TMSB15B: variants seen among roughly 807,000 people sequenced by gnomAD.
The protein encoded by TMSB15B is thymosin beta 15B.
chrX:103,940,969 T>C (rs1211391517), intron 1 of TMSB15B, among the ~76,000 whole-genome samples: 1 of 110,612 alleles, frequency 9.0e-6, no homozygotes, highest in Non-Finnish European at 1.9e-5. Flanking sequence ...GGGAGGTAGT[T>C]CCCCCACCCC....
chrX:103,922,624 G>C (rs1351260855), intron 1 of TMSB15B, among the ~76,000 whole-genome samples: 1 of 111,173 alleles, frequency 9.0e-6, no homozygotes, highest in Non-Finnish European at 1.9e-5. Flanking sequence ...CATTTGGGTT[G>C]GTTCCAAGTC....
At chrX:103,923,406 C>T (rs1461212591) in intron 1 of TMSB15B, among the ~76,000 whole-genome samples, 1 of 112,199 alleles carries the variant, frequency 8.9e-6, no homozygotes, top group African/African-American at 3.2e-5. Context: ...GATCCAGTTT[C>T]AGCTTTCCTC....
chrX:103,931,306 T>C (rs1328818168), intron 1 of TMSB15B: 1 of 112,349 alleles, frequency 8.9e-6, no homozygotes, highest in African/African-American at 3.2e-5. Flanking sequence ...TACATCCATG[T>C]CCCTTTCTTC....
rs192140637 is a variant in TMSB15B at position 103,930,896 on chromosome X, T to C, written c.-721+11604T>C. On this transcript the variant is annotated intron_variant, in intron 1 of 3. Coordinates refer to the TMSB15B transcript ENST00000419165. ...ATAACAGTCCCATTTGTTTCAACTC[T>C]GGGATTTTGAGGATTTCCAAGATGA... 283 of 111,202 alleles carry C rather than the reference T, an allele frequency of 2.5e-3. 1 individual carries two copies. Among genetic ancestry groups the C allele is most frequent in the African/African-American group, 8.4e-3 (259 of 30,696 alleles). 9.2% of individuals were successfully genotyped at this position (111,202 alleles called of 1,213,427 possible).
In TMSB15B at chrX:103,939,255, A is replaced by G. The variant is rs1252873567; in HGVS notation, c.-721+19963A>G. Among the ~76,000 whole-genome samples the G allele has an allele frequency of 3.6e-5, 4 of 110,972 alleles. No homozygotes were observed. The East Asian group carries it at 8.5e-4, about 24-fold the overall frequency. On this transcript the variant is annotated intron_variant, in intron 1 of 3. Transcript: ENST00000419165. The stretch of plus-strand genomic sequence containing the variant: ...ATATTATCGTGAAGTGTGTTTTCCA[A>G]CTTGGTTCCACTCTCCCCATCACTT...
chrX:103,953,562 C>T (rs1408019881), intron 1 of TMSB15B, among the ~76,000 whole-genome samples: 1 of 112,791 alleles, frequency 8.9e-6, no homozygotes, highest in Non-Finnish European at 1.9e-5. Flanking sequence ...GGCGGGCCGC[C>T]ATGTTTACTG....
chrX:103,953,762 G>A (rs1243982778), intron 1 of TMSB15B, among the ~76,000 whole-genome samples: 1 of 111,935 alleles, frequency 8.9e-6, no homozygotes, highest in Non-Finnish European at 1.9e-5. Context: ...CACCCCTGTT[G>A]GTGATCTCTG....
chrX:103,952,453 G>C (rs1204251905), intron 1 of TMSB15B, among the ~76,000 whole-genome samples: 1 of 111,234 alleles, frequency 9.0e-6, no homozygotes, highest in East Asian at 2.9e-4. Context: ...GTACAGTGGT[G>C]GTAGGAGAGA....
At chrX:103,938,087 T>C (rs1245372462) in intron 1 of TMSB15B, among the ~76,000 whole-genome samples, 1 of 111,760 alleles carries the variant, frequency 8.9e-6, no homozygotes, top group Non-Finnish European at 1.9e-5. Flanking sequence ...TACTTCCAAT[T>C]ATGTGGTCAA....
chrX:103,925,369 G>C (rs1213223826), intron 1 of TMSB15B, among the ~76,000 whole-genome samples: 4 of 112,418 alleles, frequency 3.6e-5, no homozygotes, highest in African/African-American at 1.3e-4. Flanking sequence ...AAAATGGAAA[G>C]GATTGGATTT....
intron 1 of TMSB15B, among the ~76,000 whole-genome samples, chrX:103,935,042 G>A (rs782811538): frequency 4.5e-5 from 5 of 112,285 alleles, no homozygotes; most frequent in African/African-American, 6.5e-5. Flanking sequence ...TCTAACTGGC[G>A]TGAGATGGTG....
At chrX:103,950,522 CAT>C (rs2075036508) in intron 1 of TMSB15B, among the ~76,000 whole-genome samples, 1 of 110,059 alleles carries the variant, frequency 9.1e-6, no homozygotes, top group African/African-American at 3.3e-5. Context: ...TGTATAGAAA[CAT>C]ATTTCATATG....
chrX:103,953,797 TGGGACAGATGTCCCAGAGAAAG>T (rs1310831102), intron 1 of TMSB15B, among the ~76,000 whole-genome samples: 1 of 111,776 alleles, frequency 8.9e-6, no homozygotes, highest in African/African-American at 3.3e-5. Flanking sequence ...GAAAATTCCC[TGGGACAGATGTCCCAGAGAAAG>T]GGCAGGCCAC....
At chrX:103,926,645 G>A (rs1170426950) in intron 1 of TMSB15B, among the ~76,000 whole-genome samples, 17 of 110,627 alleles carry the variant, frequency 1.5e-4, no homozygotes, top group African/African-American at 5.3e-4. Flanking sequence ...TGGCAGCCCC[G>A]GGAAGGCTGC....
chrX:103,936,689 T>C (rs2074998921), intron 1 of TMSB15B, among the ~76,000 whole-genome samples: 1 of 112,057 alleles, frequency 8.9e-6, no homozygotes, highest in Admixed American at 9.4e-5. Context: ...CTGTGTTGAA[T>C]AGGAGTGGTG....
rs190383642 is a variant in TMSB15B, at chrX:103,926,220, G to A, written c.-721+6928G>A. On this transcript the variant is annotated intron_variant, in intron 1 of 3. Transcript: ENST00000419165. ...GGAGGGGGAGGTGGTGATGGGCTGA[G>A]TACAGGAGGCTGAGCCTCCATGTCT... 9.1e-5 allele frequency among the ~76,000 whole-genome samples: 10 copies of A among 109,907 alleles called. 1 individual carries two copies. The Admixed American group carries it at 9.6e-4, about 11-fold the overall frequency.
chrX:103,938,165 G>A (rs2075003443), intron 1 of TMSB15B, among the ~76,000 whole-genome samples: 1 of 111,680 alleles, frequency 9.0e-6, no homozygotes, highest in Non-Finnish European at 1.9e-5. Flanking sequence ...GAATTCTGTA[G>A]ATGTCTATTA....
At chrX:103,928,434 C>T in intron 1 of TMSB15B, 3 of 1,206,128 alleles carry the variant, frequency 2.5e-6, no homozygotes, top group Non-Finnish European at 3.4e-6. Flanking sequence ...GGCCACACAC[C>T]CTGGGACGCC....
intron 1 of TMSB15B, among the ~76,000 whole-genome samples, chrX:103,948,045 G>A (rs1456119602): frequency 3.6e-5 from 4 of 111,057 alleles, no homozygotes; most frequent in Admixed American, 9.6e-5. Flanking sequence ...GTCGGGGAGC[G>A]GGGGGCAAGG....
Sources: allele counts gnomAD v4.1 joint callset (sites outside exome capture counted in the v4.1 genomes callset), GRCh38; gene constraint gnomAD v4.1.1; transcripts MANE v1.5; gene names NCBI Gene and HGNC (gene_info 2026-07-23, HGNC 2026-07-21).